The following SEMA4D variants were observed in gnomAD, a reference collection of about 807,000 sequenced individuals.
SEMA4D encodes semaphorin 4D, also known as semaphorin-4D.
A neutral mutation model predicts 74.8 loss-of-function variants in SEMA4D; 22 were observed. The ratio of observed to expected loss-of-function variants is 0.29; its 90% confidence interval spans 0.21 to 0.42. The LOEUF (loss-of-function observed/expected upper bound fraction) is 0.42, where lower values mean the gene tolerates loss of function less well. SEMA4D is among the 10% of genes least tolerant of loss of function. The probability of loss-of-function intolerance (pLI) is 1.00; values close to 1 mark genes in which losing one functional copy is unlikely to be tolerated. For synonymous variants in SEMA4D, 445 were observed against 463.7 expected (o/e 0.96, Z 0.52); for missense variants, 937 against 1,118.4 (o/e 0.84, Z 2.31).
chr9:89,459,943 G>A (rs78811016), intron 1 of SEMA4D, among the ~76,000 whole-genome samples: 2,046 of 152,254 alleles, frequency 0.013, 25 homozygotes, highest in Non-Finnish European at 0.021. Context: ...AAAACAGCAG[G>A]AGGTAAGAAA....
At chr9:89,415,436 T>C (rs928119899) in intron 2 of SEMA4D, among the ~76,000 whole-genome samples, 1 of 152,170 alleles carries the variant, frequency 6.6e-6, no homozygotes, top group African/African-American at 2.4e-5. Context: ...GGTGATACTA[T>C]GGTCTGAATG....
chr9:89,471,286 G>C (rs1267462384), intron 1 of SEMA4D, among the ~76,000 whole-genome samples: 2 of 152,160 alleles, frequency 1.3e-5, no homozygotes, highest in Non-Finnish European at 1.5e-5. Flanking sequence ...GGAGGGTGGT[G>C]ATGGCTGCCC....
At chr9:89,414,858 G>A (rs964178665) in intron 2 of SEMA4D, among the ~76,000 whole-genome samples, 21 of 149,218 alleles carry the variant, frequency 1.4e-4, no homozygotes, top group African/African-American at 4.6e-4. Flanking sequence ...AGGGGCAAGC[G>A]AGCCACAGCC....
intron 9 of SEMA4D, among the ~76,000 whole-genome samples, chr9:89,389,654 C>A (rs1200330777): frequency 6.6e-6 from 1 of 152,224 alleles, no homozygotes; most frequent in Admixed American, 6.5e-5. Context: ...ATAAACTACA[C>A]ATGACTGTGT....
In SEMA4D at chr9:89,379,405, C is replaced by T. The variant is rs1311199723; in HGVS notation, c.1888G>A (p.Val630Ile). ...GVYQCLSEER[V>I]KNKTVFQVVA... ...ACTTGGAAGACCGTTTTGTTCTTAA[C>T]CCTCTCCTCTGACAGGCACTGGTAC... is the stretch of plus-strand genomic sequence containing the variant. The change falls in exon 16 of 16, where the codon GTT becomes ATT. Residue 630 changes from valine to isoleucine, a missense_variant. Physicochemically the swap from Val to Ile is conservative, Grantham distance 29. Coordinates refer to ENST00000422704, the MANE Select transcript of SEMA4D (RefSeq NM_001371194.2). 2 of 1,614,194 alleles carry T rather than the reference C, an allele frequency of 1.2e-6. No homozygotes were observed. Among genetic ancestry groups the T allele is most frequent in the East Asian group, 2.2e-5 (1 of 44,880 alleles).
At chr9:89,424,380 T>C (rs148059610) in intron 2 of SEMA4D, among the ~76,000 whole-genome samples, 12 of 152,272 alleles carry the variant, frequency 7.9e-5, no homozygotes, top group African/African-American at 1.2e-4. Flanking sequence ...TCAACGTCAA[T>C]CTCCATTAAA....
chr9:89,488,748 C>CTATG (rs1319809347), intron 1 of SEMA4D, among the ~76,000 whole-genome samples: 3 of 152,154 alleles, frequency 2.0e-5, no homozygotes, highest in African/African-American at 7.2e-5. Flanking sequence ...ATCTTTATCA[C>CTATG]TATGGATTAG....
intron 1 of SEMA4D, among the ~76,000 whole-genome samples, chr9:89,490,248 G>A (rs1825524579): frequency 6.6e-6 from 1 of 152,190 alleles, no homozygotes; most frequent in Non-Finnish European, 1.5e-5. Context: ...AAACCCAGAA[G>A]AGGAAACAAT....
At chr9:89,409,551 A>C (rs1476068951) in intron 2 of SEMA4D, among the ~76,000 whole-genome samples, 2 of 152,194 alleles carry the variant, frequency 1.3e-5, no homozygotes, top group Non-Finnish European at 2.9e-5. Context: ...TTTTTCTATG[A>C]ACCTAAAGTT....
chr9:89,495,498 G>T (rs1299792143), intron 1 of SEMA4D, among the ~76,000 whole-genome samples: 1 of 152,102 alleles, frequency 6.6e-6, no homozygotes, highest in Non-Finnish European at 1.5e-5. Flanking sequence ...CACCTGCCAA[G>T]CCCAGGGCGG....
At position 89,378,614 on chromosome 9, in the gene SEMA4D, C is replaced by T. The variant is rs975453635; in HGVS notation, c.*90G>A. On this transcript the variant is annotated 3_prime_UTR_variant, in exon 16 of 16. Transcript: ENST00000422704. Reference sequence around the variant, plus strand: ...GCGGGCTAACCTACGCAGCACTGCACGAGACTCGGATACTGAACAGGAGAA... The same window carrying T: ...GCGGGCTAACCTACGCAGCACTGCATGAGACTCGGATACTGAACAGGAGAA... 1.3e-5 allele frequency: 13 copies of T among 984,152 alleles called. No homozygotes were observed. The highest frequency in any genetic ancestry group is 9.1e-5 in the South Asian group (6 of 66,178). 61.0% of individuals were successfully genotyped at this position (984,152 alleles called of 1,614,324 possible).
intron 13 of SEMA4D, among the ~76,000 whole-genome samples, chr9:89,383,675 G>A (rs1837715164): frequency 6.6e-6 from 1 of 152,178 alleles, no homozygotes; most frequent in Non-Finnish European, 1.5e-5. Flanking sequence ...CTGGCTATGT[G>A]AGACATCGGA....
chr9:89,379,713 G>C, intron 15 of SEMA4D, 84 bp from the exon 16 acceptor site: 1 of 1,446,838 alleles, frequency 6.9e-7, no homozygotes. Flanking sequence ...ACAAGATGAC[G>C]CAAGAGTTTC....
At chr9:89,480,391 G>A (rs1348841116) in intron 1 of SEMA4D, among the ~76,000 whole-genome samples, 2 of 152,272 alleles carry the variant, frequency 1.3e-5, no homozygotes, top group Non-Finnish European at 2.9e-5. Context: ...AGGTGGAGCT[G>A]CCTGCCAGTC....
chr9:89,483,626 C>T (rs1418541168), intron 1 of SEMA4D, among the ~76,000 whole-genome samples: 1 of 148,424 alleles, frequency 6.7e-6, no homozygotes, highest in Non-Finnish European at 1.5e-5. Context: ...CTGGGGGTTG[C>T]AAACACAGTT....
At chr9:89,394,852 G>T (rs554465434) in intron 6 of SEMA4D, among the ~76,000 whole-genome samples, 1 of 152,372 alleles carries the variant, frequency 6.6e-6, no homozygotes, top group Admixed American at 6.5e-5. Flanking sequence ...GAGACTGGAT[G>T]ATGCTGGGGA....
chr9:89,406,937 C>A (rs552148738), intron 2 of SEMA4D, among the ~76,000 whole-genome samples: 1 of 152,190 alleles, frequency 6.6e-6, no homozygotes, highest in South Asian at 2.1e-4. Context: ...AGTCAGGGGC[C>A]GACCCCATCT....
chr9:89,391,296 C>A lies in SEMA4D; in HGVS notation c.742G>T (p.Val248Leu), dbSNP rs143643219. Reference protein sequence around the residue: ...VSVEYEFVFRVLIPRIARVCK... With the variant: ...VSVEYEFVFRLLIPRIARVCK... ...ACTCTTGCTATCCGTGGGATCAGCA[C>A]CCTGAACACAAACTCATACTCCACA... is the stretch of plus-strand genomic sequence containing the variant. The change falls in exon 9 of 16, where the codon GTG becomes TTG. Residue 248 changes from valine (V) to leucine (L), a missense_variant. Physicochemically the swap from Val to Leu is conservative, Grantham distance 32 (BLOSUM62 1). Coordinates refer to ENST00000422704, the MANE Select transcript of SEMA4D (RefSeq NM_001371194.2). 1.5e-3 allele frequency: 2,458 copies of A among 1,614,246 alleles called. 13 individuals carry two copies. Among genetic ancestry groups the A allele is most frequent in the Non-Finnish European group, 1.1e-3 (1,271 of 1,180,054 alleles).
chr9:89,428,526 C>T (rs867912310), intron 2 of SEMA4D, among the ~76,000 whole-genome samples: 3 of 152,160 alleles, frequency 2.0e-5, no homozygotes, highest in Non-Finnish European at 4.4e-5. Flanking sequence ...CTCAGAACCA[C>T]GAGGAACCGG....
Sources: allele counts gnomAD v4.1 joint callset (sites outside exome capture counted in the v4.1 genomes callset), GRCh38; gene constraint gnomAD v4.1.1; transcripts MANE v1.5; gene names NCBI Gene and HGNC (gene_info 2026-07-23, HGNC 2026-07-21).